Variants in TMEM38B observed in about 807,000 individuals in gnomAD.
TMEM38B encodes the protein transmembrane protein 38B, also known as trimeric intracellular cation channel type B.
TMEM38B carries 24 observed loss-of-function variants against 28.7 expected under a neutral mutation model. That is an observed-to-expected ratio of 0.84 (90% CI 0.61 to 1.18). The LOEUF is 1.18. Ranked by LOEUF, TMEM38B falls within the 50% of genes most tolerant of loss-of-function variation. The pLI is 0.00. For missense variants in TMEM38B, 380 were observed against 350.9 expected, an observed-to-expected ratio of 1.08 and a Z score of -0.66; for synonymous variants, 131 against 127.7, an observed-to-expected ratio of 1.03 and a Z score of -0.17.
chr9:105,737,104 C>T (rs541752348), intron 4 of TMEM38B, among the ~76,000 whole-genome samples: 7 of 152,300 alleles, frequency 4.6e-5, no homozygotes, highest in East Asian at 1.9e-4. Flanking sequence ...TTGGATTGGC[C>T]GTGGGGCCAA....
chr9:105,728,692 C>T (rs1356003923), intron 4 of TMEM38B, among the ~76,000 whole-genome samples: 1 of 152,184 alleles, frequency 6.6e-6, no homozygotes, highest in African/African-American at 2.4e-5. Flanking sequence ...AACTAATTTA[C>T]ACTCCCACCA....
intron 5 of TMEM38B, among the ~76,000 whole-genome samples, chr9:105,756,410 G>A (rs1340958942): frequency 6.6e-6 from 1 of 152,116 alleles, no homozygotes; most frequent in African/African-American, 2.4e-5. Flanking sequence ...TTGGCTGTGG[G>A]TTTTTCCTAG....
intron 4 of TMEM38B, among the ~76,000 whole-genome samples, chr9:105,734,768 AC>A (rs1326533733): frequency 6.6e-6 from 1 of 151,186 alleles, no homozygotes; most frequent in African/African-American, 2.4e-5. Flanking sequence ...TTTTTTGGTT[AC>A]CATTTGCATG....
chr9:105,715,521 T>C (rs1291623004), intron 2 of TMEM38B, among the ~76,000 whole-genome samples: 1 of 152,106 alleles, frequency 6.6e-6, no homozygotes, highest in East Asian at 1.9e-4. Context: ...ACTCTTATTA[T>C]TGGTATATTG....
chr9:105,706,057 G>A (rs536051682), intron 2 of TMEM38B, among the ~76,000 whole-genome samples: 2 of 151,900 alleles, frequency 1.3e-5, no homozygotes, highest in South Asian at 2.1e-4. Flanking sequence ...CCGCCCTCAC[G>A]CATGGCTAAT....
intron 1 of TMEM38B, among the ~76,000 whole-genome samples, chr9:105,698,955 T>C (rs1023662525): frequency 6.6e-6 from 1 of 152,192 alleles, no homozygotes; most frequent in Non-Finnish European, 1.5e-5. Flanking sequence ...CTTCCAAGTC[T>C]ATTGGAGTAA....
chr9:105,721,586 T>C lies in TMEM38B; in HGVS notation c.319T>C (p.Tyr107His), dbSNP rs746623351. Residue 107 changes from tyrosine to histidine, a missense_variant, in exon 3 of 6, where the codon TAT becomes CAT. Physicochemically the swap from Tyr to His is moderately conservative, Grantham distance 83. Coordinates refer to ENST00000374692, the MANE Select transcript of TMEM38B (RefSeq NM_018112.3). The stretch of plus-strand genomic sequence containing the variant: ...TGACCTAGTTTCCCAGGGCTATTCA[T>C]ATCTACCTGTTCAACTACTGGCTTC... ...PHDLVSQGYS[Y>H]LPVQLLASGM... The C allele has an allele frequency of 5.4e-5, 87 of 1,613,556 alleles. No individual in the cohort carries two copies. The highest frequency in any genetic ancestry group is 2.0e-4 in the Admixed American group (12 of 59,978).
intron 5 of TMEM38B, among the ~76,000 whole-genome samples, chr9:105,763,444 C>G (rs1838141946): frequency 6.6e-6 from 1 of 152,124 alleles, no homozygotes; most frequent in African/African-American, 2.4e-5. Context: ...TCAGAGAATA[C>G]TACAAACACC....
intron 5 of TMEM38B, among the ~76,000 whole-genome samples, chr9:105,766,119 C>T (rs1303576070): frequency 6.6e-6 from 1 of 152,128 alleles, no homozygotes; most frequent in African/African-American, 2.4e-5. Flanking sequence ...TTTCGTTTCA[C>T]TTAATAACTA....
chr9:105,733,072 A>C (rs1836823613), intron 4 of TMEM38B, among the ~76,000 whole-genome samples: 1 of 152,078 alleles, frequency 6.6e-6, no homozygotes, highest in Non-Finnish European at 1.5e-5. Flanking sequence ...CCTGAGTTCC[A>C]ATTTGATTGT....
At chr9:105,765,371 AAG>A in intron 5 of TMEM38B, among the ~76,000 whole-genome samples, 1 of 152,358 alleles carries the variant, frequency 6.6e-6, no homozygotes, top group East Asian at 1.9e-4. Flanking sequence ...ATGGATAATA[AAG>A]TACATTCAGT....
chr9:105,713,255 C>T (rs1246706198), intron 2 of TMEM38B, among the ~76,000 whole-genome samples: 1 of 152,198 alleles, frequency 6.6e-6, no homozygotes, highest in Non-Finnish European at 1.5e-5. Flanking sequence ...GCAGGATCCC[C>T]ACTCCAAACC....
chr9:105,730,106 A>G (rs1000674852), intron 4 of TMEM38B, among the ~76,000 whole-genome samples: 2 of 152,122 alleles, frequency 1.3e-5, no homozygotes, highest in African/African-American at 4.8e-5. Context: ...CAGACCTTCC[A>G]ATACTATGTT....
chr9:105,700,240 T>C (rs1835420659), intron 1 of TMEM38B, among the ~76,000 whole-genome samples: 3 of 152,232 alleles, frequency 2.0e-5, no homozygotes, highest in Admixed American at 2.0e-4. Flanking sequence ...GATGCTGTTA[T>C]AGCCCTAAAG....
chr9:105,703,744 G>T (rs9695674), intron 1 of TMEM38B, among the ~76,000 whole-genome samples: 1 of 151,288 alleles, frequency 6.6e-6, no homozygotes, highest in African/African-American at 2.4e-5. Context: ...GCCATTCTAA[G>T]TGGTGTGAGA....
chr9:105,773,778 A>G, intron 5 of TMEM38B, 87 bp from the exon 6 acceptor site: 10 of 1,310,902 alleles, frequency 7.6e-6, no homozygotes, highest in Non-Finnish European at 1.1e-5. Context: ...TTAATAATGC[A>G]TTTTGATTTT....
chr9:105,726,190 A>G (rs1451299183), intron 4 of TMEM38B, among the ~76,000 whole-genome samples: 1 of 152,108 alleles, frequency 6.6e-6, no homozygotes, highest in Admixed American at 6.6e-5. Flanking sequence ...ATTATTGTTA[A>G]CTATATTGTA....
chr9:105,772,657 TA>T (rs201450206), intron 5 of TMEM38B, among the ~76,000 whole-genome samples: 3 of 152,074 alleles, frequency 2.0e-5, no homozygotes, highest in Admixed American at 6.6e-5. Flanking sequence ...GGCATGTATT[TA>T]AAAAAATTTT....
chr9:105,758,129 C>T (rs897023759), intron 5 of TMEM38B: 34 of 508,678 alleles, frequency 6.7e-5, no homozygotes, highest in African/African-American at 9.5e-5. Flanking sequence ...GTGTTGCCTT[C>T]GCTGCCATGG....
Sources: gnomAD v4.1 joint callset for allele counts (sites outside exome capture counted in the v4.1 genomes callset) on GRCh38, gnomAD v4.1.1 for gene constraint, MANE v1.5 for transcripts, NCBI Gene and HGNC (gene_info 2026-07-23, HGNC 2026-07-21) for gene names.